CATSPERG: variants seen among roughly 807,000 people sequenced by gnomAD.
CATSPERG encodes cation channel sperm-associated auxiliary subunit gamma.
Under a neutral mutation model 145.0 loss-of-function variants are expected in CATSPERG, and 115 were observed. The observed-to-expected ratio is 0.79, with a 90% CI of 0.68 to 0.93. The LOEUF (loss-of-function observed/expected upper bound fraction) is 0.93. Among genes scored for constraint, CATSPERG ranks in the 40% least tolerant of loss-of-function variants. The probability of loss-of-function intolerance (pLI) is 0.00; values close to 1 mark genes in which losing one functional copy is unlikely to be tolerated. For synonymous variants in CATSPERG, 588 were observed against 589.0 expected (o/e 1.00, Z 0.02); for missense variants, 1,296 against 1,490.1 (o/e 0.87, Z 2.14).
chr19:38,338,284 G>A (rs1201126922), intron 3 of CATSPERG, among the ~76,000 whole-genome samples: 2 of 151,788 alleles, frequency 1.3e-5, no homozygotes, highest in African/African-American at 4.8e-5. Flanking sequence ...AAGTAGCTGG[G>A]ACTACAGGCG....
At chr19:38,367,847 GC>G in intron 25 of CATSPERG, 71 bp downstream of exon 25, 1 of 1,435,296 alleles carries the variant, frequency 7.0e-7, no homozygotes, top group Non-Finnish European at 9.8e-7. Flanking sequence ...TCCAAGCCAA[GC>G]CCACCTCGCA....
intron 20 of CATSPERG, among the ~76,000 whole-genome samples, chr19:38,364,385 C>T (rs1052324175): frequency 2.4e-4 from 37 of 152,254 alleles, no homozygotes; most frequent in African/African-American, 8.7e-4. Context: ...CAGAGGCACT[C>T]CCCACATCTC....
intron 1 of CATSPERG, chr19:38,336,273 AG>A (rs1449862325): frequency 8.9e-6 from 4 of 450,170 alleles, no homozygotes; most frequent in Non-Finnish European, 1.8e-5. Context: ...GAAACAACGA[AG>A]GGCGAGGAAA....
At position 38,362,271 on chromosome 19, in the gene CATSPERG, A is replaced by G. The variant is rs1970361921; in HGVS notation, c.2156A>G (p.Gln719Arg). The G allele has an allele frequency of 2.5e-6, 4 of 1,613,218 alleles. No individual in the cohort carries two copies. In the South Asian group the frequency reaches 4.4e-5, roughly 18 times the overall value. Residue 719 changes from glutamine to arginine, a missense_variant and splice_region_variant, in exon 18 of 29, where the codon CAG becomes CGG. By Grantham distance (43) the Gln-to-Arg change is conservative. Transcript: ENST00000409235. ...TGGTGGGCGAACAACAAACAAGACC[A>G]GGTAGGCGGAGCGGATTGGGAGCCG... ...WRWWANNKQD[Q>R]DYYFFLASNW...
At position 38,353,990 on chromosome 19, in the gene CATSPERG, CAAAAAAAAAAAA is replaced by C. The variant is rs965226814; in HGVS notation, c.998-703_998-692del. Among the ~76,000 whole-genome samples the C allele has an allele frequency of 2.0e-3, 61 of 30,592 alleles. 1 individual carries two copies. The South Asian group carries it at 0.025, about 12-fold the overall frequency. The allele number at this position is 30,592 out of a possible 152,430, so 20.1% of individuals were successfully genotyped here. A position where few individuals can be genotyped will look rare whatever the true frequency, so the allele number is the denominator to read the frequency against. ...TGGGCGACAGAGTAAGACTCTGTCT[CAAAAAAAAAAAA>C]AAAAAAAAAAAAAAAAGATACCAAA... On this transcript the variant is annotated intron_variant, in intron 8 of 28. Transcript: ENST00000409235.
chr19:38,367,021 C>T, intron 22 of CATSPERG, 135 bp from the exon 23 acceptor site: 2 of 746,758 alleles, frequency 2.7e-6, no homozygotes, highest in Non-Finnish European at 4.3e-6. Context: ...GACCATATTG[C>T]CCTTGGGGGT....
intron 25 of CATSPERG, 39 bp from the exon 26 acceptor site, chr19:38,368,009 C>T (rs1473203372): frequency 1.3e-6 from 2 of 1,587,288 alleles, no homozygotes; most frequent in South Asian, 2.2e-5. Context: ...CCCTACACCG[C>T]CCCCCAACCC....
chr19:38,355,798 G>A (rs1240930694), intron 9 of CATSPERG, among the ~76,000 whole-genome samples: 2 of 152,148 alleles, frequency 1.3e-5, no homozygotes, highest in Non-Finnish European at 1.5e-5. Context: ...CTGGATCCAG[G>A]GGCCCACAGG....
chr19:38,366,876 T>G (rs867965953), intron 22 of CATSPERG: 3 of 377,272 alleles, frequency 8.0e-6, no homozygotes, highest in Middle Eastern at 1.5e-3. Flanking sequence ...GTATTTTTAG[T>G]AGAGACAGGG....
chr19:38,354,328 A>C (rs1425183467), intron 8 of CATSPERG, among the ~76,000 whole-genome samples: 1 of 152,208 alleles, frequency 6.6e-6, no homozygotes, highest in Admixed American at 6.6e-5. Context: ...CTCCTTGTGC[A>C]TGCCACGGTG....
rs1428939446 is a variant in CATSPERG at position 38,354,762 on chromosome 19, G to C, written c.1050G>C (p.Val350=). The change falls in exon 9 of 29, where the codon GTG becomes GTC. Residue 350 remains valine, a synonymous_variant. Transcript: ENST00000409235. ...AGTGCATCAAGAAGCTGTGCCCTGT[G>C]TATTTCCATAGCAATGGCTCTGAGT... The part of the protein sequence containing the change: ...ASECIKKLCP[V]YFHSNGSEYI... 3.7e-6 allele frequency: 6 copies of C among 1,614,100 alleles called. No homozygotes were observed. Among genetic ancestry groups the C allele is most frequent in the Non-Finnish European group, 5.1e-6 (6 of 1,180,048 alleles).
rs1262384175 is a variant in CATSPERG, at chr19:38,356,648, TAGGG to T, written c.1196-89_1196-86del. ...TCATGGGAAAGAATGGGCAGTGTCTTAGGGAGGGGTGAGTTATGGGGAGGGGTAC... is the reference window on the plus strand; with the variant it reads ...TCATGGGAAAGAATGGGCAGTGTCTTAGGGGTGAGTTATGGGGAGGGGTAC... On this transcript the variant is annotated intron_variant, in intron 10 of 28. Transcript: ENST00000409235. 3.1e-6 allele frequency: 5 copies of T among 1,591,248 alleles called. No homozygotes were observed. The African/African-American group carries it at 4.0e-5, about 13-fold the overall frequency.
intron 22 of CATSPERG, chr19:38,366,921 T>C: frequency 1.9e-6 from 1 of 527,424 alleles, no homozygotes; most frequent in African/African-American, 1.9e-5. Flanking sequence ...CTCGAACTCC[T>C]GGACTCAAGT....
chr19:38,362,311 C>T (rs966882252), intron 18 of CATSPERG, 39 bp downstream of exon 18: 1 of 1,613,192 alleles, frequency 6.2e-7, no homozygotes, highest in Non-Finnish European at 8.5e-7. Flanking sequence ...AGGGGCGGCG[C>T]CCGGACACCC....
At chr19:38,353,775 C>T (rs1215779334) in intron 8 of CATSPERG, among the ~76,000 whole-genome samples, 1 of 149,484 alleles carries the variant, frequency 6.7e-6, no homozygotes, top group Non-Finnish European at 1.5e-5. Context: ...GGGCGGATCA[C>T]GAGGTCAGGA....
rs73043016 is a variant in CATSPERG at position 38,337,669 on chromosome 19, G to A, written c.324+23G>A. 6.8e-3 allele frequency: 10,576 copies of A among 1,548,108 alleles called. 84 individuals carry two copies. The highest frequency in any genetic ancestry group is 0.022 in the South Asian group (1,826 of 83,920). On this transcript the variant is annotated intron_variant, in intron 3 of 28. Coordinates refer to ENST00000409235, the MANE Select transcript of CATSPERG (RefSeq NM_021185.5). Reference sequence around the variant, plus strand: ...AAGGTGAGTGGGTGCAGCACGGATAGGCTCATTCTATGAGCCTTGGTTTTC... The same window carrying A: ...AAGGTGAGTGGGTGCAGCACGGATAAGCTCATTCTATGAGCCTTGGTTTTC...
rs747877651 is a variant in CATSPERG, at chr19:38,354,779, GCT to G, written c.1070_1071del (p.Ser357Ter). On this transcript the variant is annotated frameshift_variant, in exon 9 of 29. Coordinates refer to ENST00000409235, the MANE Select transcript of CATSPERG (RefSeq NM_021185.5). LOFTEE classifies it high-confidence loss of function. ...TGCCCTGTGTATTTCCATAGCAATG[GCT>G]CTGAGTACATAATGGCCCTCACCAC... The G allele has an allele frequency of 3.6e-5, 58 of 1,614,190 alleles. 1 individual carries two copies. In the Admixed American group the frequency reaches 8.3e-4, roughly 23 times the overall value.
chr19:38,357,195 G>A (rs1970258997), intron 11 of CATSPERG, among the ~76,000 whole-genome samples: 1 of 152,022 alleles, frequency 6.6e-6, no homozygotes, highest in Non-Finnish European at 1.5e-5. Flanking sequence ...CTCAGGCAGT[G>A]CCTTTTTATA....
intron 26 of CATSPERG, 115 bp downstream of exon 26, chr19:38,368,252 G>A: frequency 1.2e-6 from 1 of 843,362 alleles, no homozygotes; most frequent in Non-Finnish European, 1.9e-6. Context: ...GACTGCCTTT[G>A]TGTTACTTAA....
Sources: gnomAD v4.1 joint callset for allele counts (sites outside exome capture counted in the v4.1 genomes callset) on GRCh38, gnomAD v4.1.1 for gene constraint, MANE v1.5 for transcripts, NCBI Gene and HGNC (gene_info 2026-07-23, HGNC 2026-07-21) for gene names.